Variants in SYNE2 observed in about 807,000 individuals in gnomAD.
SYNE2 encodes nesprin-2.
SYNE2 carries 431 observed loss-of-function variants against 856.3 expected under a neutral mutation model. The observed-to-expected ratio is 0.50, with a 90% CI of 0.47 to 0.55. The LOEUF is 0.55. Ranked by LOEUF, SYNE2 falls within the 20% of genes least tolerant of loss-of-function variation. The pLI, the probability that SYNE2 is intolerant of heterozygous loss-of-function variation, is 0.00. For synonymous variants in SYNE2, 2,923 were observed against 2,872.3 expected, an observed-to-expected ratio of 1.02 and a Z score of -0.56; for missense variants, 8,129 against 8,023.2, an observed-to-expected ratio of 1.01 and a Z score of -0.50.
chr14:63,894,394 T>TA (rs2095209296), intron 1 of SYNE2, among the ~76,000 whole-genome samples: 1 of 151,500 alleles, frequency 6.6e-6, no homozygotes, highest in African/African-American at 2.4e-5. Context: ...TTAAAAACAA[T>TA]TTTTTTTTCT....
chr14:63,931,196 C>T (rs1595709988), intron 2 of SYNE2, among the ~76,000 whole-genome samples: 1 of 152,236 alleles, frequency 6.6e-6, no homozygotes, highest in East Asian at 1.9e-4. Context: ...TGCTTTTCTT[C>T]CATAATGCCT....
intron 1 of SYNE2, among the ~76,000 whole-genome samples, chr14:63,859,118 T>G (rs979361148): frequency 6.6e-6 from 1 of 152,112 alleles, no homozygotes; most frequent in Non-Finnish European, 1.5e-5. Flanking sequence ...TTCCCAGCCA[T>G]CTACTGGGCA....
chr14:63,962,058 T>G (rs981072434), intron 9 of SYNE2, among the ~76,000 whole-genome samples: 1 of 151,656 alleles, frequency 6.6e-6, no homozygotes, highest in African/African-American at 2.4e-5. Context: ...TTTTTGTTTA[T>G]TTATTTATTT....
intron 80 of SYNE2, 107 bp downstream of exon 80, chr14:64,140,180 G>C (rs1396121554): frequency 1.8e-6 from 2 of 1,129,998 alleles, no homozygotes; most frequent in African/African-American, 3.1e-5. Flanking sequence ...GTGGATAAGG[G>C]GTAAGACTTG....
At chr14:64,177,243 A>T in intron 95 of SYNE2, 115 bp from the exon 96 acceptor site, 3 of 1,361,810 alleles carry the variant, frequency 2.2e-6, no homozygotes, top group Non-Finnish European at 3.1e-6. Context: ...TGTCTGTGTG[A>T]TTTATTAAAA....
chr14:63,894,745 A>T (rs1357959019), intron 1 of SYNE2, among the ~76,000 whole-genome samples: 2 of 152,190 alleles, frequency 1.3e-5, no homozygotes, highest in African/African-American at 4.8e-5. Flanking sequence ...TTTATTATGA[A>T]TAATAATTCA....
At chr14:63,850,074 A>G (rs1327408411), upstream of SYNE2, among the ~76,000 whole-genome samples, 3 of 134,056 alleles carry the variant, frequency 2.2e-5, no homozygotes, top group Non-Finnish European at 4.8e-5. Flanking sequence ...TAATATGACA[A>G]CATACTTTTT....
chr14:63,875,203 T>G lies in SYNE2; in HGVS notation c.-52+22060T>G, dbSNP rs79991031. Among the ~76,000 whole-genome samples, 218 of 152,312 alleles carry G rather than the reference T, an allele frequency of 1.4e-3. 4 individuals are homozygous for G. The East Asian group carries it at 0.02, about 14-fold the overall frequency. On this transcript the variant is annotated intron_variant, in intron 1 of 115. Coordinates refer to ENST00000555002, the MANE Select transcript of SYNE2 (RefSeq NM_182914.3). ...TCTGGGACTACAGGTGTGCATCACT[T>G]TGCCAAACTTTCAAGTCTTTGATTT...
chr14:64,167,752 G>A (rs2098388788), intron 92 of SYNE2, 113 bp downstream of exon 92: 3 of 1,442,006 alleles, frequency 2.1e-6, no homozygotes, highest in South Asian at 2.4e-5. Context: ...AACACAGAAT[G>A]TATACCTTTA....
Position 64,040,732 on chromosome 14 carries a change from C to T in SYNE2, c.7222-7268C>T, listed in dbSNP as rs1595076006. On this transcript the variant is annotated intron_variant, in intron 45 of 115. Transcript: ENST00000555002. ...AAATAGGAGGGAGTTTTAAGAGAGC[C>T]AGAGGCTATACTGCAATGATTGAAC... is the stretch of plus-strand genomic sequence containing the variant. Among the ~76,000 whole-genome samples the T allele has an allele frequency of 2.0e-5, 3 of 149,534 alleles. No homozygotes were observed. The East Asian group carries it at 5.9e-4, about 29-fold the overall frequency.
chr14:63,814,655 TC>T (rs1420619417), intron 1 of SYNE2, among the ~76,000 whole-genome samples: 1 of 95,904 alleles, frequency 1.0e-5, no homozygotes, highest in Non-Finnish European at 2.1e-5. Context: ...TTATATATAA[TC>T]CTTATATATA....
At chr14:63,903,745 A>G (rs1340177806) in intron 1 of SYNE2, among the ~76,000 whole-genome samples, 2 of 151,942 alleles carry the variant, frequency 1.3e-5, no homozygotes, top group African/African-American at 4.8e-5. Context: ...ATGTAAATAC[A>G]ACAAATGATT....
intron 11 of SYNE2, among the ~76,000 whole-genome samples, chr14:63,969,908 A>T (rs2096452561): frequency 6.6e-6 from 1 of 152,130 alleles, no homozygotes. Flanking sequence ...CGTGTATTTT[A>T]AAACATTGTC....
rs1555393492 is a variant in SYNE2, at chr14:63,948,722, G to GTGTATATATATATATGTA, written c.409-1102_409-1101insGTATATATATATATGTAT. On this transcript the variant is annotated intron_variant, in intron 6 of 115. Transcript: ENST00000555002. Reference sequence around the variant, plus strand: ...TATATATATGTATATATATATGTGTGTATATATATGTGTATAGATATGTGT... The same window carrying GTGTATATATATATATGTA: ...TATATATATGTATATATATATGTGTGTGTATATATATATATGTATATATATATGTGTATAGATATGTGT... Among the ~76,000 whole-genome samples, 5 of 101,518 alleles carry GTGTATATATATATATGTA rather than the reference G, an allele frequency of 4.9e-5. 1 individual carries two copies. In the South Asian group the frequency reaches 9.3e-4, roughly 19 times the overall value. The allele number at this position is 101,518 out of a possible 152,430, so 66.6% of individuals were successfully genotyped here.
chr14:63,831,929 CAT>C (rs1300638559), intron 1 of SYNE2, among the ~76,000 whole-genome samples: 1 of 151,770 alleles, frequency 6.6e-6, no homozygotes, highest in Non-Finnish European at 1.5e-5. Flanking sequence ...AACTAGAAAA[CAT>C]ATTTTTTTTA....
chr14:64,131,672 C>A (rs1283669271), intron 76 of SYNE2, among the ~76,000 whole-genome samples: 2 of 152,082 alleles, frequency 1.3e-5, no homozygotes, highest in Non-Finnish European at 2.9e-5. Flanking sequence ...GCCTCGAGAT[C>A]CTGGTCTCAA....
chr14:64,213,053 A>G, intron 105 of SYNE2, 48 bp downstream of exon 105: 1 of 1,599,576 alleles, frequency 6.3e-7, no homozygotes, highest in Non-Finnish European at 8.5e-7. Context: ...CTCAGAGTTT[A>G]CGTGAGACCA....
chr14:64,043,959 G>T (rs2097167658), intron 45 of SYNE2, among the ~76,000 whole-genome samples: 1 of 152,192 alleles, frequency 6.6e-6, no homozygotes, highest in Non-Finnish European at 1.5e-5. Context: ...CTAGGTTCAA[G>T]TGATCCTCCC....
intron 98 of SYNE2, 80 bp from the exon 99 acceptor site, chr14:64,189,991 A>G (rs1397765307): frequency 4.3e-6 from 6 of 1,389,348 alleles, no homozygotes; most frequent in Admixed American, 1.9e-5. Context: ...TAATTTCAAG[A>G]GGTAACTCTA....
Sources: gnomAD v4.1 joint callset for allele counts (sites outside exome capture counted in the v4.1 genomes callset) on GRCh38, gnomAD v4.1.1 for gene constraint, MANE v1.5 for transcripts, NCBI Gene and HGNC (gene_info 2026-07-23, HGNC 2026-07-21) for gene names.